The following CSNK1G1 variants were observed in gnomAD, a reference collection of about 807,000 sequenced individuals.
The protein encoded by CSNK1G1 is casein kinase 1 gamma 1.
In CSNK1G1, 22 loss-of-function variants were observed where a neutral mutation model predicts 59.6. That is an observed-to-expected ratio of 0.37 (90% CI 0.26 to 0.53). The LOEUF (loss-of-function observed/expected upper bound fraction) is 0.53. CSNK1G1 is among the 20% of genes least tolerant of loss of function. The probability of loss-of-function intolerance (pLI) is 0.89; values close to 1 mark genes in which losing one functional copy is unlikely to be tolerated. For synonymous variants in CSNK1G1, 179 were observed against 177.1 expected, an observed-to-expected ratio of 1.01 and a Z score of -0.08; for missense variants, 384 against 519.5, an observed-to-expected ratio of 0.74 and a Z score of 2.54.
intron 11 of CSNK1G1, among the ~76,000 whole-genome samples, chr15:64,174,238 C>T (rs146632402): frequency 2.1e-4 from 32 of 152,312 alleles, no homozygotes; most frequent in Non-Finnish European, 4.6e-4. Flanking sequence ...TGCCTGCTTA[C>T]AAGCATATCA....
At chr15:64,231,456 C>T (rs1567386811) in intron 4 of CSNK1G1, among the ~76,000 whole-genome samples, 1 of 146,686 alleles carries the variant, frequency 6.8e-6, no homozygotes, top group Non-Finnish European at 1.5e-5. Context: ...TACACACACA[C>T]ATATACATAT....
intron 2 of CSNK1G1, among the ~76,000 whole-genome samples, chr15:64,289,576 A>G (rs1463822309): frequency 6.6e-6 from 1 of 152,222 alleles, no homozygotes; most frequent in South Asian, 2.1e-4. Context: ...AACAAAATAG[A>G]CAAATGGGAC....
At chr15:64,233,739 T>G (rs773101514) in intron 4 of CSNK1G1, among the ~76,000 whole-genome samples, 1 of 152,142 alleles carries the variant, frequency 6.6e-6, no homozygotes, top group Non-Finnish European at 1.5e-5. Context: ...AAGGCTGAGG[T>G]CCTGATATTT....
chr15:64,268,193 G>C (rs1405963145), intron 2 of CSNK1G1, among the ~76,000 whole-genome samples: 1 of 152,166 alleles, frequency 6.6e-6, no homozygotes, highest in Non-Finnish European at 1.5e-5. Flanking sequence ...AATAAACATG[G>C]AGAACATGTT....
At chr15:64,259,000 C>A (rs58926018) in intron 3 of CSNK1G1, among the ~76,000 whole-genome samples, 17,147 of 151,906 alleles carry the variant, frequency 0.11, 1,552 homozygotes, top group African/African-American at 0.25. Flanking sequence ...AAGTTAGTAT[C>A]ATTTAACTAT....
Position 64,188,414 on chromosome 15 carries a change from C to A in CSNK1G1, c.1108-7960G>T. On this transcript the variant is annotated intron_variant, in intron 10 of 11. Transcript: ENST00000303052. The surrounding 1 kb of genome is among the most constrained non-coding windows in gnomAD (Gnocchi z 4.2). ...CATGGCGGTCTGCAGCCAAGTGAGA[C>A]GTTAGGTATGAGGTATTGGTCTGCC... 6.5e-7 allele frequency: 1 copy of A among 1,536,108 alleles called. No homozygotes were observed.
intron 2 of CSNK1G1, among the ~76,000 whole-genome samples, chr15:64,291,387 G>C (rs1894732650): frequency 6.6e-6 from 1 of 151,980 alleles, no homozygotes; most frequent in Non-Finnish European, 1.5e-5. Flanking sequence ...AGGAGTTTGA[G>C]ACCAGCCTGG....
At chr15:64,249,690 A>G (rs1891966524) in intron 4 of CSNK1G1, among the ~76,000 whole-genome samples, 1 of 152,214 alleles carries the variant, frequency 6.6e-6, no homozygotes, top group South Asian at 2.1e-4. Context: ...GTGAAAAGCA[A>G]TTTGTATAGT....
In CSNK1G1 at chr15:64,356,136, A is replaced by AGGAGCCGAGGGGCGGCT. The variant is rs1898665565; in HGVS notation, c.-390_-374dup. 6.6e-6 allele frequency: 1 copy of AGGAGCCGAGGGGCGGCT among 151,980 alleles called. No homozygotes were observed. The highest frequency in any genetic ancestry group is 2.4e-5 in the African/African-American group (1 of 41,412). 9.4% of individuals were successfully genotyped at this position (151,980 alleles called of 1,614,324 possible). ...GAAGGCGGACGGGAGGGGGAAGGCGAGGAGCCGAGGGGCGGCTGGAGCCGA... is the reference window on the plus strand; with the variant it reads ...GAAGGCGGACGGGAGGGGGAAGGCGAGGAGCCGAGGGGCGGCTGGAGCCGAGGGGCGGCTGGAGCCGA... On this transcript the variant is annotated 5_prime_UTR_variant, in exon 1 of 12. Transcript: ENST00000303052.
chr15:64,329,376 A>C (rs1897004625), intron 1 of CSNK1G1, among the ~76,000 whole-genome samples: 1 of 149,050 alleles, frequency 6.7e-6, no homozygotes, highest in Non-Finnish European at 1.5e-5. Flanking sequence ...AATCTCACTC[A>C]AAGCCACTCA....
intron 3 of CSNK1G1, 175 bp downstream of exon 3, chr15:64,259,026 A>G: frequency 1.8e-6 from 1 of 569,668 alleles, no homozygotes; most frequent in Non-Finnish European, 3.1e-6. Flanking sequence ...GTTATATAGT[A>G]TACAGTGATT....
At chr15:64,180,263 C>A in intron 11 of CSNK1G1, 85 bp downstream of exon 11, 1 of 993,848 alleles carries the variant, frequency 1.0e-6, no homozygotes, top group Non-Finnish European at 1.6e-6. Context: ...GAAATCCAGT[C>A]TGAGACGAGC....
At position 64,167,473 on chromosome 15, in the gene CSNK1G1, C is replaced by T. The variant is rs1372977619; in HGVS notation, c.*4458G>A. On this transcript the variant is annotated 3_prime_UTR_variant, in exon 12 of 12. Transcript: ENST00000303052. ...CCTGGAGTCTGCAAAAGCAAGAACC[C>T]GAGAGATAAGTGCCTGTCACTTACG... 1 of 152,598 alleles carries T rather than the reference C, an allele frequency of 6.6e-6. No individual in the cohort carries two copies. Among genetic ancestry groups the T allele is most frequent in the Non-Finnish European group, 1.5e-5 (1 of 68,036 alleles). The allele number at this position is 152,598 out of a possible 1,614,324, so 9.5% of individuals were successfully genotyped here.
chr15:64,338,844 C>T (rs1897537696), intron 1 of CSNK1G1, among the ~76,000 whole-genome samples: 1 of 151,588 alleles, frequency 6.6e-6, no homozygotes, highest in Non-Finnish European at 1.5e-5. Context: ...ATGGTGAAAC[C>T]CCGTCTCTAC....
At chr15:64,248,743 G>C (rs1277506037) in intron 4 of CSNK1G1, among the ~76,000 whole-genome samples, 5 of 152,210 alleles carry the variant, frequency 3.3e-5, no homozygotes, top group Admixed American at 2.0e-4. Flanking sequence ...CCAGCACTTA[G>C]AGAGGGCGAG....
Position 64,171,890 on chromosome 15 carries a change from G to T in CSNK1G1, c.*41C>A, listed in dbSNP as rs747173242. 3.2e-6 allele frequency: 5 copies of T among 1,549,704 alleles called. No homozygotes were observed. The highest frequency in any genetic ancestry group is 4.5e-6 in the Non-Finnish European group (5 of 1,121,320). On this transcript the variant is annotated 3_prime_UTR_variant, in exon 12 of 12. Coordinates refer to ENST00000303052, the MANE Select transcript of CSNK1G1 (RefSeq NM_022048.5). This position sits in a 1 kb window ranked among gnomAD's most constrained non-coding sequence, Gnocchi z 4.8. ...TGGCAGGAGCTGCAGGTACAATTGA[G>T]TCAGAGTCCCCAGGGCCTGAGGACT...
chr15:64,291,093 C>T (rs1894717465), intron 2 of CSNK1G1, among the ~76,000 whole-genome samples: 2 of 152,120 alleles, frequency 1.3e-5, no homozygotes, highest in African/African-American at 4.8e-5. Flanking sequence ...ATCCACAGAA[C>T]CTAAAAATTT....
chr15:64,276,959 A>G (rs1194976773), intron 2 of CSNK1G1, among the ~76,000 whole-genome samples: 2 of 151,898 alleles, frequency 1.3e-5, no homozygotes, highest in Non-Finnish European at 2.9e-5. Flanking sequence ...AAAAAAAAAA[A>G]AAAGAAAAAG....
chr15:64,227,683 T>G (rs557670374), intron 4 of CSNK1G1, among the ~76,000 whole-genome samples: 2 of 152,328 alleles, frequency 1.3e-5, no homozygotes, highest in African/African-American at 4.8e-5. Context: ...AAGTAGTCTT[T>G]TCCTACCACA....
Sources: allele counts gnomAD v4.1 joint callset (sites outside exome capture counted in the v4.1 genomes callset), GRCh38; gene constraint gnomAD v4.1.1; non-coding constraint Gnocchi (gnomAD v3.1); transcripts MANE v1.5; gene names NCBI Gene and HGNC (gene_info 2026-07-23, HGNC 2026-07-21).